Variants in PPIL2 observed in about 807,000 individuals in gnomAD.
PPIL2 encodes the protein RING-type E3 ubiquitin-protein ligase PPIL2.
A neutral mutation model predicts 75.2 loss-of-function variants in PPIL2; 50 were observed. The ratio of observed to expected loss-of-function variants is 0.66; its 90% confidence interval spans 0.53 to 0.84. The LOEUF (loss-of-function observed/expected upper bound fraction) is 0.84. Ranked by LOEUF, PPIL2 falls within the 40% of genes least tolerant of loss-of-function variation. The pLI is 0.00. For missense variants in PPIL2, 590 were observed against 685.0 expected, an observed-to-expected ratio of 0.86 and a Z score of 1.55; for synonymous variants, 245 against 258.8, an observed-to-expected ratio of 0.95 and a Z score of 0.51.
chr22:21,679,099 T>G (rs1166616670), intron 6 of PPIL2, among the ~76,000 whole-genome samples: 3 of 151,994 alleles, frequency 2.0e-5, no homozygotes, highest in African/African-American at 7.2e-5. Flanking sequence ...TTTCTCCATG[T>G]TGGTCAGGCT....
At chr22:21,684,290 T>TAACATGGTGAAACCCCGTCTTTACTAAA (rs1555897398) in intron 9 of PPIL2, among the ~76,000 whole-genome samples, 2 of 108,692 alleles carry the variant, frequency 1.8e-5, no homozygotes, top group Non-Finnish European at 1.9e-5. Context: ...TACAAGATTG[T>TAACATGGTGAAACCCCGTCTTTACTAAA]AACACAAAAA....
At chr22:21,666,215 TCTCAGCTACTCCC>T (rs1407803886) in intron 1 of PPIL2, 84 bp downstream of exon 1, 3 of 1,443,234 alleles carry the variant, frequency 2.1e-6, no homozygotes, top group African/African-American at 1.4e-5. Context: ...TCGCCTTCCC[TCTCAGCTACTCCC>T]CAGAGCACAG....
chr22:21,672,211 A>G, intron 4 of PPIL2, 119 bp from the exon 5 acceptor site: 1 of 791,848 alleles, frequency 1.3e-6, no homozygotes, highest in Non-Finnish European at 2.2e-6. Flanking sequence ...CCTCTCCTAA[A>G]GTGAAGCAAG....
At chr22:21,671,122 G>C (rs1333380609) in intron 4 of PPIL2, 63 bp downstream of exon 4, 2 of 1,512,946 alleles carry the variant, frequency 1.3e-6, no homozygotes, top group Admixed American at 3.3e-5. Flanking sequence ...TTAAGGAAGG[G>C]GACCCTTGGT....
rs770427091 is a variant in PPIL2 at position 21,695,005 on chromosome 22, G to C, written c.1401G>C (p.Gln467His). The change falls in exon 19 of 20, where the codon CAG becomes CAC. Residue 467 changes from glutamine to histidine, a missense_variant. Coordinates refer to ENST00000398831, the MANE Select transcript of PPIL2 (RefSeq NM_014337.4). ...CCAAAGTGAAGAGCAGCCAGCCCCA[G>C]GCAGGGAGCCAGGGCCCCCAGACCT... ...PETKVKSSQP[Q>H]AGSQGPQTFR... The C allele has an allele frequency of 1.2e-6, 2 of 1,613,636 alleles. No homozygotes were observed. Among genetic ancestry groups the C allele is most frequent in the African/African-American group, 2.7e-5 (2 of 75,072 alleles).
chr22:21,666,317 G>C (rs2066374876), intron 1 of PPIL2, among the ~76,000 whole-genome samples, 186 bp downstream of exon 1: 2 of 152,210 alleles, frequency 1.3e-5, no homozygotes, highest in Admixed American at 1.3e-4. Context: ...GCGCTCTCCC[G>C]GGGCCGCGGC....
intron 6 of PPIL2, among the ~76,000 whole-genome samples, chr22:21,676,114 G>C (rs541180111): frequency 6.6e-6 from 1 of 152,150 alleles, no homozygotes; most frequent in Non-Finnish European, 1.5e-5. Flanking sequence ...CCCAGAGCCC[G>C]GTCCCCAGTC....
intron 8 of PPIL2, among the ~76,000 whole-genome samples, chr22:21,682,865 A>T (rs2067189359): frequency 6.6e-6 from 1 of 152,218 alleles, no homozygotes; most frequent in Non-Finnish European, 1.5e-5. Flanking sequence ...TTCTAACCAG[A>T]GGTCGGCCCA....
At chr22:21,691,562 C>T (rs2067637422) in intron 15 of PPIL2, among the ~76,000 whole-genome samples, 1 of 152,068 alleles carries the variant, frequency 6.6e-6, no homozygotes, top group African/African-American at 2.4e-5. Flanking sequence ...CGCCTGTAGT[C>T]CCAGCTACTC....
At chr22:21,687,135 G>T (rs1601572710) in intron 12 of PPIL2, 137 bp downstream of exon 12, 1 of 812,080 alleles carries the variant, frequency 1.2e-6, no homozygotes, top group Non-Finnish European at 2.0e-6. Context: ...GGGACCCGCA[G>T]CAGTGCCCTG....
rs150018856 is a variant in PPIL2, at chr22:21,681,587, G to A, written c.387+197G>A. Among the ~76,000 whole-genome samples the A allele has an allele frequency of 1.7e-3, 261 of 152,336 alleles. 1 individual carries two copies. The highest frequency in any genetic ancestry group is 6.1e-3 in the African/African-American group (252 of 41,578). ...TTTCAGGCAGGTCAAAAAAAGGGTTGGGGGAGGTGCATCCTTCGGAATCCA... is the reference window on the plus strand; with the variant it reads ...TTTCAGGCAGGTCAAAAAAAGGGTTAGGGGAGGTGCATCCTTCGGAATCCA... On this transcript the variant is annotated intron_variant, in intron 7 of 19. Transcript: ENST00000398831.
At chr22:21,674,832 C>T (rs2066769849) in intron 5 of PPIL2, among the ~76,000 whole-genome samples, 1 of 152,228 alleles carries the variant, frequency 6.6e-6, no homozygotes, top group Admixed American at 6.5e-5. Context: ...TGCTCGGGGT[C>T]ACCCGTGACG....
chr22:21,670,810 C>T, intron 3 of PPIL2, 187 bp from the exon 4 acceptor site: 1 of 838,038 alleles, frequency 1.2e-6, no homozygotes, highest in East Asian at 2.4e-5. Flanking sequence ...TGCTCTAGAC[C>T]TTCACCAGGG....
chr22:21,682,601 C>T (rs1425353995), intron 8 of PPIL2, 75 bp downstream of exon 8: 17 of 1,263,952 alleles, frequency 1.3e-5, no homozygotes, highest in East Asian at 4.9e-5. Context: ...AGGGCCCTAC[C>T]CCCACGTCAG....
intron 15 of PPIL2, among the ~76,000 whole-genome samples, chr22:21,692,357 T>G (rs973047024): frequency 7.9e-5 from 12 of 151,356 alleles, no homozygotes; most frequent in South Asian, 2.1e-4. Flanking sequence ...GGTTTCACCG[T>G]GTTAGCGAGG....
At chr22:21,677,569 C>T (rs866187816) in intron 6 of PPIL2, among the ~76,000 whole-genome samples, 5 of 152,214 alleles carry the variant, frequency 3.3e-5, no homozygotes, top group African/African-American at 7.2e-5. Flanking sequence ...TGGCGGCGCG[C>T]GCCTGCAATC....
chr22:21,674,029 AG>A (rs1259524264), intron 5 of PPIL2, among the ~76,000 whole-genome samples: 2 of 152,202 alleles, frequency 1.3e-5, no homozygotes, highest in African/African-American at 4.8e-5. Context: ...AGCAGCAGGC[AG>A]GGCCCACGGA....
chr22:21,687,758 A>C, intron 13 of PPIL2, 26 bp downstream of exon 13: 1 of 1,596,458 alleles, frequency 6.3e-7, no homozygotes, highest in South Asian at 1.1e-5. Flanking sequence ...CACTGGCTGC[A>C]CAGATGAGCT....
intron 6 of PPIL2, among the ~76,000 whole-genome samples, chr22:21,679,698 A>G (rs2148526943): frequency 6.6e-6 from 1 of 151,826 alleles, no homozygotes; most frequent in Non-Finnish European, 1.5e-5. Flanking sequence ...TGGCCTCCCA[A>G]AGCACTGGGA....
Sources: allele counts gnomAD v4.1 joint callset (sites outside exome capture counted in the v4.1 genomes callset), GRCh38; gene constraint gnomAD v4.1.1; transcripts MANE v1.5; gene names NCBI Gene and HGNC (gene_info 2026-07-23, HGNC 2026-07-21).